Variants in CDC42BPA observed in about 807,000 individuals in gnomAD.
CDC42BPA encodes CDC42 binding protein kinase alpha.
A neutral mutation model predicts 223.5 loss-of-function variants in CDC42BPA; 80 were observed. That is an observed-to-expected ratio of 0.36 (90% CI 0.30 to 0.43). The LOEUF (loss-of-function observed/expected upper bound fraction) is 0.43. Among genes scored for constraint, CDC42BPA ranks in the 20% least tolerant of loss-of-function variants. The probability of loss-of-function intolerance (pLI) is 1.00; values close to 1 mark genes in which losing one functional copy is unlikely to be tolerated. For synonymous variants in CDC42BPA, 694 were observed against 718.6 expected (o/e 0.97, Z 0.55); for missense variants, 1,743 against 2,099.9 (o/e 0.83, Z 3.32).
intron 15 of CDC42BPA, among the ~76,000 whole-genome samples, chr1:227,095,873 T>A (rs531567517): frequency 5.9e-5 from 9 of 152,314 alleles, no homozygotes; most frequent in African/African-American, 1.9e-4. Flanking sequence ...ATTACAGGCA[T>A]GGGCCACCGT....
intron 1 of CDC42BPA, among the ~76,000 whole-genome samples, chr1:227,267,814 T>G (rs1441284668): frequency 6.6e-6 from 1 of 152,074 alleles, no homozygotes; most frequent in Admixed American, 6.6e-5. Flanking sequence ...TGGGGGAAAT[T>G]GGCCCCATGA....
chr1:227,180,768 C>T (rs779485070), intron 5 of CDC42BPA, among the ~76,000 whole-genome samples: 9 of 152,184 alleles, frequency 5.9e-5, no homozygotes, highest in Non-Finnish European at 1.3e-4. Context: ...ACATAACATT[C>T]TAATCAGATG....
At chr1:227,027,543 T>TC (rs1348249541) in intron 30 of CDC42BPA, among the ~76,000 whole-genome samples, 87 of 152,230 alleles carry the variant, frequency 5.7e-4, no homozygotes, top group African/African-American at 1.9e-3. Context: ...GGGTTTTTTT[T>TC]CCCTTCAGCA....
At position 227,256,948 on chromosome 1, in the gene CDC42BPA, G is replaced by GACACACACACACACACAC. The variant is rs55961981; in HGVS notation, c.179-2811_179-2794dup. On this transcript the variant is annotated intron_variant, in intron 1 of 36. Transcript: ENST00000366766. ...AAACAAAATGTGATATATATATACA[G>GACACACACACACACACAC]ACACACACACACACACACACACACA... is the stretch of plus-strand genomic sequence containing the variant. Among the ~76,000 whole-genome samples, 1,074 of 141,076 alleles carry GACACACACACACACACAC rather than the reference G, an allele frequency of 7.6e-3. 18 individuals carry two copies. Among genetic ancestry groups the GACACACACACACACACAC allele is most frequent in the East Asian group, 0.015 (73 of 4,778 alleles). 92.6% of individuals were successfully genotyped at this position (141,076 alleles called of 152,430 possible).
At chr1:227,265,344 G>C in intron 1 of CDC42BPA, 1 of 344,600 alleles carries the variant, frequency 2.9e-6, no homozygotes, top group South Asian at 4.0e-5. Context: ...AACCCTCACA[G>C]GGTCATGAGG....
rs149294350 is a variant in CDC42BPA at position 227,027,139 on chromosome 1, C to A, written c.4433-987G>T. Among the ~76,000 whole-genome samples, 95 of 152,112 alleles carry A rather than the reference C, an allele frequency of 6.2e-4. 1 individual carries two copies. Among genetic ancestry groups the A allele is most frequent in the African/African-American group, 2.2e-3 (90 of 41,486 alleles). On this transcript the variant is annotated intron_variant, in intron 30 of 36. Transcript: ENST00000366766. ...AACAAAATATTAAAAATAGTTAATT[C>A]CCAAGATCTGCAGTTGAAAAGCTGG...
intron 10 of CDC42BPA, among the ~76,000 whole-genome samples, chr1:227,131,115 CTCT>C (rs1478065696): frequency 1.3e-5 from 2 of 151,876 alleles, no homozygotes; most frequent in Non-Finnish European, 2.9e-5. Flanking sequence ...TCCATTACTA[CTCT>C]TCTTATTATT....
chr1:227,185,440 C>T (rs971284420), intron 5 of CDC42BPA, among the ~76,000 whole-genome samples: 1 of 152,142 alleles, frequency 6.6e-6, no homozygotes, highest in African/African-American at 2.4e-5. Flanking sequence ...CATATCCCCA[C>T]GTGTTTGGAA....
chr1:227,273,290 T>C (rs1284342639), intron 1 of CDC42BPA, among the ~76,000 whole-genome samples: 2 of 135,550 alleles, frequency 1.5e-5, no homozygotes, highest in African/African-American at 5.6e-5. Flanking sequence ...AGAATGAGAC[T>C]CTGTCTCAAA....
rs183036566 is a variant in CDC42BPA at position 227,180,212 on chromosome 1, A to G, written c.599+13574T>C. 1.3e-3 allele frequency among the ~76,000 whole-genome samples: 196 copies of G among 152,282 alleles called. 1 individual carries two copies. Among genetic ancestry groups the G allele is most frequent in the African/African-American group, 4.5e-3 (188 of 41,546 alleles). ...CAGAGTGAGATTCCGTCATAAATCAATCAATCAATCAATCAATCTGCCTTT... is the reference window on the plus strand; with the variant it reads ...CAGAGTGAGATTCCGTCATAAATCAGTCAATCAATCAATCAATCTGCCTTT... On this transcript the variant is annotated intron_variant, in intron 5 of 36. Transcript: ENST00000366766.
intron 6 of CDC42BPA, among the ~76,000 whole-genome samples, chr1:227,148,282 C>T (rs1183581405): frequency 1.3e-5 from 2 of 152,070 alleles, no homozygotes; most frequent in Admixed American, 1.3e-4. Context: ...CAGCAAGACC[C>T]TATCTCTGTA....
intron 23 of CDC42BPA, among the ~76,000 whole-genome samples, chr1:227,045,280 T>C (rs1672205963): frequency 6.6e-6 from 1 of 152,262 alleles, no homozygotes; most frequent in African/African-American, 2.4e-5. Flanking sequence ...AAATTCTAGC[T>C]TGAAATCATT....
At chr1:227,296,513 C>T (rs983233897) in intron 1 of CDC42BPA, among the ~76,000 whole-genome samples, 1 of 151,956 alleles carries the variant, frequency 6.6e-6, no homozygotes, top group Non-Finnish European at 1.5e-5. Flanking sequence ...CGAGACCAGC[C>T]TGGCCATAAT....
chr1:227,133,212 TG>T lies in CDC42BPA; in HGVS notation c.1391-3982del, dbSNP rs540426831. 2.4e-5 allele frequency among the ~76,000 whole-genome samples: 3 copies of T among 125,078 alleles called. 1 individual carries two copies. The highest frequency in any genetic ancestry group is 5.0e-5 in the Non-Finnish European group (3 of 59,914). The allele number at this position is 125,078 out of a possible 152,430, so 82.1% of individuals were successfully genotyped here. A position where few individuals can be genotyped will look rare whatever the true frequency, so the allele number is the denominator to read the frequency against. ...CCGGCTGCCCCGTCTGGGAGGGAGG[TG>T]GGGGGGTCAGCCCCCCGCCCGGCCA... On this transcript the variant is annotated intron_variant, in intron 10 of 36. Transcript: ENST00000366766.
chr1:227,229,353 T>C (rs1430401370), intron 2 of CDC42BPA, among the ~76,000 whole-genome samples: 2 of 152,186 alleles, frequency 1.3e-5, no homozygotes, highest in Non-Finnish European at 2.9e-5. Flanking sequence ...CTTTCAATTC[T>C]TTTCTCTTGA....
Position 227,317,068 on chromosome 1 carries a change from A to G in CDC42BPA, c.115T>C (p.Tyr39His). ...ETLLDILICL[Y>H]DECNNSPLRR... ...AATGGAGAATTATTGCATTCATCATAAAGGCAGATGAGTATATCCAGTAAT... is the reference window on the plus strand; with the variant it reads ...AATGGAGAATTATTGCATTCATCATGAAGGCAGATGAGTATATCCAGTAAT... The change falls in exon 1 of 37, where the codon TAT becomes CAT. Residue 39 changes from tyrosine to histidine, a missense_variant. Tyr to His is a moderately conservative substitution (Grantham distance 83). This residue lies in a region of CDC42BPA where 321 missense variants were observed against 488.7 expected (regional missense o/e 0.66). Transcript: ENST00000366766. 1 of 1,613,612 alleles carries G rather than the reference A, an allele frequency of 6.2e-7. No individual in the cohort carries two copies. The highest frequency in any genetic ancestry group is 8.5e-7 in the Non-Finnish European group (1 of 1,179,514).
chr1:227,182,058 T>C (rs528859827), intron 5 of CDC42BPA, among the ~76,000 whole-genome samples: 1 of 152,278 alleles, frequency 6.6e-6, no homozygotes, highest in East Asian at 1.9e-4. Flanking sequence ...ACATTGTAGG[T>C]ATGCTCTCAG....
intron 29 of CDC42BPA, 142 bp downstream of exon 29, chr1:227,030,256 CTTTTAATTTA>C: frequency 1.7e-6 from 1 of 578,524 alleles, no homozygotes; most frequent in East Asian, 3.2e-5. Context: ...TAAAAATAAT[CTTTTAATTTA>C]TAAACGTCAA....
chr1:227,224,105 TTTTTA>T (rs940455975), intron 2 of CDC42BPA, among the ~76,000 whole-genome samples: 16 of 151,684 alleles, frequency 1.1e-4, no homozygotes, highest in Middle Eastern at 3.4e-3. Context: ...TTGTATTTTG[TTTTTA>T]TTTATTTTAT....
Sources: allele counts gnomAD v4.1 joint callset (sites outside exome capture counted in the v4.1 genomes callset), GRCh38; gene constraint gnomAD v4.1.1; regional missense constraint gnomAD v4.1.1; transcripts MANE v1.5; gene names NCBI Gene and HGNC (gene_info 2026-07-23, HGNC 2026-07-21).